SLC25A32: variants seen among roughly 807,000 people sequenced by gnomAD.
The protein encoded by SLC25A32 is Glycine auxotroph B, complementation of hamster.
In SLC25A32, 32 loss-of-function variants were observed where a neutral mutation model predicts 39.0. The ratio of observed to expected loss-of-function variants is 0.82; its 90% CI spans 0.62 to 1.10. The LOEUF (loss-of-function observed/expected upper bound fraction) is 1.10, where lower values mean the gene tolerates loss of function less well. Among genes scored for constraint, SLC25A32 ranks in the 50% least tolerant of loss-of-function variants. SLC25A32 has a pLI of 0.00. For missense variants in SLC25A32, 367 were observed against 395.3 expected (o/e 0.93, Z 0.61); for synonymous variants, 166 against 152.4 (o/e 1.09, Z -0.66).
chr8:103,405,543 T>C (rs953454098), intron 2 of SLC25A32, among the ~76,000 whole-genome samples: 24 of 152,216 alleles, frequency 1.6e-4, no homozygotes, highest in Non-Finnish European at 4.4e-5. Context: ...ATTTGCATTT[T>C]ATTTGGTAGA....
At chr8:103,400,819 G>A (rs1249728668) in intron 6 of SLC25A32, among the ~76,000 whole-genome samples, 1 of 152,158 alleles carries the variant, frequency 6.6e-6, no homozygotes, top group Admixed American at 6.5e-5. Context: ...GCTTTTAAAT[G>A]TATGTACAAG....
At chr8:103,409,901 A>G (rs545190677) in intron 1 of SLC25A32, among the ~76,000 whole-genome samples, 3 of 152,230 alleles carry the variant, frequency 2.0e-5, no homozygotes, top group Non-Finnish European at 4.4e-5. Flanking sequence ...AATGGGGATA[A>G]ATCATGTACC....
At chr8:103,412,650 A>C (rs1243789382) in intron 1 of SLC25A32, among the ~76,000 whole-genome samples, 1 of 152,070 alleles carries the variant, frequency 6.6e-6, no homozygotes, top group Non-Finnish European at 1.5e-5. Context: ...CCCCTTTCCC[A>C]CATGTAAGTT....
intron 1 of SLC25A32, 50 bp from the exon 2 acceptor site, chr8:103,407,834 T>C: frequency 7.9e-6 from 12 of 1,526,594 alleles, no homozygotes; most frequent in Non-Finnish European, 1.1e-5. Flanking sequence ...TCTAGCTCTG[T>C]ATCACATATA....
In SLC25A32 at chr8:103,399,572, T is replaced by C. The variant is rs1816172129; in HGVS notation, c.*839A>G. On this transcript the variant is annotated 3_prime_UTR_variant, in exon 7 of 7. Transcript: ENST00000297578. ...CCAACTGAATTAAAACTAAAGCATA[T>C]TTACAGTGCATTTTTTCTCACTAAA... is the stretch of plus-strand genomic sequence containing the variant. 6.6e-6 allele frequency: 1 copy of C among 152,200 alleles called. No individual in the cohort carries two copies. The highest frequency in any genetic ancestry group is 1.5e-5 in the Non-Finnish European group (1 of 68,048). The allele number at this position is 152,200 out of a possible 1,614,324, so 9.4% of individuals were successfully genotyped here.
At chr8:103,410,068 T>C (rs1816427201) in intron 1 of SLC25A32, among the ~76,000 whole-genome samples, 1 of 152,200 alleles carries the variant, frequency 6.6e-6, no homozygotes, top group Admixed American at 6.5e-5. Context: ...TCCCTTTTTC[T>C]AAGAACTTTC....
intron 1 of SLC25A32, among the ~76,000 whole-genome samples, chr8:103,410,638 C>T (rs554569440): frequency 6.6e-6 from 1 of 152,248 alleles, no homozygotes; most frequent in East Asian, 1.9e-4. Context: ...GGACCACTGG[C>T]TTAAATGACC....
chr8:103,403,093 A>G (rs1366373366), intron 4 of SLC25A32, 71 bp downstream of exon 4: 5 of 1,127,504 alleles, frequency 4.4e-6, no homozygotes, highest in Non-Finnish European at 6.1e-6. Flanking sequence ...TAGGTCATTC[A>G]GAACTAAGAC....
chr8:103,404,982 A>AT (rs1270400652), intron 2 of SLC25A32, 121 bp from the exon 3 acceptor site: 10 of 524,570 alleles, frequency 1.9e-5, no homozygotes, highest in Middle Eastern at 4.8e-4. Context: ...CAACCACAAA[A>AT]TGAGACCTTT....
At chr8:103,404,411 TG>T (rs745552529) in intron 3 of SLC25A32, among the ~76,000 whole-genome samples, 3 of 152,014 alleles carry the variant, frequency 2.0e-5, no homozygotes, top group Non-Finnish European at 2.9e-5. Context: ...CTGGCCAACA[TG>T]GTGAAACCCC....
Position 103,399,028 on chromosome 8 carries a change from T to A in SLC25A32, c.*1383A>T, listed in dbSNP as rs1306346610. On this transcript the variant is annotated 3_prime_UTR_variant, in exon 7 of 7. Transcript: ENST00000297578. ...TAGTGCAACAGCACTCGTGGATGTT[T>A]ACGATAAATAAAAATACTAGTATTC... 6.6e-6 allele frequency: 1 copy of A among 152,228 alleles called. No homozygotes were observed. The highest frequency in any genetic ancestry group is 1.9e-4 in the East Asian group (1 of 5,200). The allele number at this position is 152,228 out of a possible 1,614,324, so 9.4% of individuals were successfully genotyped here. A position where few individuals can be genotyped will look rare whatever the true frequency, so the allele number is the denominator to read the frequency against.
chr8:103,403,409 T>TAAAAAAAAAAAAAAAAAAAAAAAAAAAA (rs11447002), intron 3 of SLC25A32, 85 bp from the exon 4 acceptor site: 1 of 237,710 alleles, frequency 4.2e-6, no homozygotes, highest in Non-Finnish European at 7.1e-6. Context: ...TACATTTATG[T>TAAAAAAAAAAAAAAAAAAAAAAAAAAAA]AAAAAAAAAA....
At chr8:103,403,481 C>T (rs985244915) in intron 3 of SLC25A32, among the ~76,000 whole-genome samples, 157 bp from the exon 4 acceptor site, 5 of 149,898 alleles carry the variant, frequency 3.3e-5, no homozygotes, top group African/African-American at 4.9e-5. Flanking sequence ...TTCTGAGGCA[C>T]AGTCTTAGGG....
chr8:103,400,096 T>C lies in SLC25A32; in HGVS notation c.*315A>G, dbSNP rs1816184352. ...CACAAAAAGAAGTACATTCATCTAA[T>C]CCATTTAGCAAATGTTGCAAATCAG... On this transcript the variant is annotated 3_prime_UTR_variant, in exon 7 of 7. Transcript: ENST00000297578. 1 of 321,318 alleles carries C rather than the reference T, an allele frequency of 3.1e-6. No homozygotes were observed. The highest frequency in any genetic ancestry group is 5.8e-6 in the Non-Finnish European group (1 of 173,388). 19.9% of individuals were successfully genotyped at this position (321,318 alleles called of 1,614,324 possible).
At position 103,400,461 on chromosome 8, in the gene SLC25A32, A is replaced by G. The variant is rs1287324971; in HGVS notation, c.898T>C (p.Tyr300His). 2 of 1,614,160 alleles carry G rather than the reference A, an allele frequency of 1.2e-6. No individual in the cohort carries two copies. Among genetic ancestry groups the G allele is most frequent in the South Asian group, 1.1e-5 (1 of 91,088 alleles). The change falls in exon 7 of 7, where the codon TAT becomes CAT. Residue 300 changes from tyrosine to histidine, a missense_variant. Transcript: ENST00000297578. ...AGTAAAAAATGTGAGACGTTTTCAT[A>G]TACCACAAAGGTAATACAGCAGGCT... The part of the protein sequence containing the change: ...TPACCITFVV[Y>H]ENVSHFLLDL...
chr8:103,407,223 C>T (rs1169780206), intron 2 of SLC25A32, among the ~76,000 whole-genome samples: 1 of 152,158 alleles, frequency 6.6e-6, no homozygotes, highest in African/African-American at 2.4e-5. Flanking sequence ...TTTCAAATGG[C>T]TTTAACTAAA....
At chr8:103,409,167 A>G (rs550201662) in intron 1 of SLC25A32, among the ~76,000 whole-genome samples, 14 of 152,320 alleles carry the variant, frequency 9.2e-5, no homozygotes, top group African/African-American at 2.6e-4. Context: ...ACTTAATTCT[A>G]TAAGTAGAGT....
intron 1 of SLC25A32, among the ~76,000 whole-genome samples, chr8:103,412,722 A>G (rs932478862): frequency 2.6e-5 from 4 of 152,118 alleles, no homozygotes; most frequent in Non-Finnish European, 4.4e-5. Flanking sequence ...GTCATTTTTC[A>G]TATGAAGTAA....
chr8:103,415,075 A>G lies in SLC25A32; in HGVS notation c.-138T>C, dbSNP rs897683832. ...ACCAACGAGAGGACTCTTATGCCCA[A>G]GGCGCGTGAGCGAAGCCGGAGACTC... On this transcript the variant is annotated 5_prime_UTR_variant, in exon 1 of 7. Coordinates refer to ENST00000297578, the MANE Select transcript of SLC25A32 (RefSeq NM_030780.5). The G allele has an allele frequency of 6.2e-7, 1 of 1,608,900 alleles. No homozygotes were observed. Among genetic ancestry groups the G allele is most frequent in the Non-Finnish European group, 8.5e-7 (1 of 1,177,996 alleles).
Sources: allele counts gnomAD v4.1 joint callset (sites outside exome capture counted in the v4.1 genomes callset), GRCh38; gene constraint gnomAD v4.1.1; transcripts MANE v1.5; gene names NCBI Gene and HGNC (gene_info 2026-07-23, HGNC 2026-07-21).